GMPS: variants seen among roughly 807,000 people sequenced by gnomAD.
The protein encoded by GMPS is guanosine monophosphate synthase.
A neutral mutation model predicts 77.9 loss-of-function variants in GMPS; 15 were observed. The observed-to-expected ratio is 0.19, with a 90% CI of 0.13 to 0.30. The LOEUF is 0.30. Ranked by LOEUF, GMPS falls within the 10% of genes least tolerant of loss-of-function variation. GMPS has a pLI of 1.00. For missense variants in GMPS, 590 were observed against 838.8 expected (o/e 0.70, Z 3.66); for synonymous variants, 224 against 275.9 (o/e 0.81, Z 1.86).
At chr3:155,891,179 TTAAC>T (rs1314546453) in intron 1 of GMPS, among the ~76,000 whole-genome samples, 5 of 152,228 alleles carry the variant, frequency 3.3e-5, no homozygotes, top group Non-Finnish European at 1.5e-5. Flanking sequence ...GGACTGGTAA[TTAAC>T]TAAACCTTGG....
At chr3:155,877,529 A>G (rs1754080485) in intron 1 of GMPS, among the ~76,000 whole-genome samples, 1 of 152,062 alleles carries the variant, frequency 6.6e-6, no homozygotes, top group African/African-American at 2.4e-5. Context: ...CCCTTCAGCA[A>G]GGGTCCCCAT....
chr3:155,902,328 C>T (rs777156682), intron 3 of GMPS, among the ~76,000 whole-genome samples: 8 of 152,180 alleles, frequency 5.3e-5, no homozygotes, highest in Non-Finnish European at 1.2e-4. Flanking sequence ...GGATTTTATC[C>T]TGTAGACCAG....
At position 155,914,549 on chromosome 3, in the gene GMPS, C is replaced by T. The variant is rs187670203; in HGVS notation, c.1017C>T (p.Ile339=). The change falls in exon 8 of 16, where the codon ATC becomes ATT. Residue 339 remains isoleucine (I), a synonymous_variant. Transcript: ENST00000496455. The stretch of plus-strand genomic sequence containing the variant: ...CAAGTCCTGAAGAGAAAAGAAAAAT[C>T]ATTGGGGATACTTTTGTTAAGGTAC... ...MTTSPEEKRK[I]IGDTFVKIAN... The T allele has an allele frequency of 2.3e-4, 369 of 1,582,404 alleles. 1 individual carries two copies. In the African/African-American group the frequency reaches 4.6e-3, roughly 20 times the overall value.
chr3:155,938,065 G>C lies in GMPS; in HGVS notation c.*373G>C, dbSNP rs1323461755. On this transcript the variant is annotated 3_prime_UTR_variant, in exon 16 of 16. Coordinates refer to ENST00000496455, the MANE Select transcript of GMPS (RefSeq NM_003875.3). ...CCAGTTTCTAAGAACTGTTAGAAAC[G>C]CCCATTATTTACCAGTGTTACTTAC... The C allele has an allele frequency of 4.1e-6, 1 of 242,410 alleles. No individual in the cohort carries two copies. The highest frequency in any genetic ancestry group is 6.0e-5 in the East Asian group (1 of 16,556). 15.0% of individuals were successfully genotyped at this position (242,410 alleles called of 1,614,324 possible). A position where few individuals can be genotyped will look rare whatever the true frequency, so the allele number is the denominator to read the frequency against.
intron 12 of GMPS, 34 bp downstream of exon 12, chr3:155,925,400 CTTT>C (rs200488171): frequency 0.067 from 83,976 of 1,245,730 alleles, 1,987 homozygotes; most frequent in East Asian, 0.18. Context: ...CAGTGATATA[CTTT>C]TTTTTTTTTT....
chr3:155,902,070 C>T (rs879573043), intron 3 of GMPS, among the ~76,000 whole-genome samples: 3 of 152,032 alleles, frequency 2.0e-5, no homozygotes, highest in Admixed American at 2.0e-4. Context: ...GGTGGTAGAC[C>T]TGGAGTACTA....
At chr3:155,888,979 C>T (rs527290376) in intron 1 of GMPS, among the ~76,000 whole-genome samples, 20 of 152,138 alleles carry the variant, frequency 1.3e-4, no homozygotes, top group African/African-American at 3.9e-4. Context: ...CCTCCACTAC[C>T]GCCTCCCAAA....
intron 1 of GMPS, among the ~76,000 whole-genome samples, chr3:155,889,696 C>T (rs1250696899): frequency 2.0e-5 from 3 of 152,160 alleles, no homozygotes; most frequent in Admixed American, 1.3e-4. Flanking sequence ...ATTTCCATCT[C>T]CACTTTTCCA....
chr3:155,915,938 A>C, intron 8 of GMPS, 81 bp from the exon 9 acceptor site: 1 of 866,520 alleles, frequency 1.2e-6, no homozygotes, highest in Non-Finnish European at 1.8e-6. Flanking sequence ...AAGGACTCTA[A>C]GAGATTTAGC....
At chr3:155,881,620 G>A (rs918480263) in intron 1 of GMPS, among the ~76,000 whole-genome samples, 2 of 152,158 alleles carry the variant, frequency 1.3e-5, no homozygotes, top group Non-Finnish European at 1.5e-5. Context: ...AATGTAAGTG[G>A]CATACAAACA....
At chr3:155,921,220 TC>T (rs1487978484) in intron 10 of GMPS, among the ~76,000 whole-genome samples, 1 of 152,154 alleles carries the variant, frequency 6.6e-6, no homozygotes, top group Non-Finnish European at 1.5e-5. Flanking sequence ...GCCACTGCCC[TC>T]CAGCCTGGGT....
intron 12 of GMPS, among the ~76,000 whole-genome samples, chr3:155,926,054 C>G (rs1755446308): frequency 6.6e-6 from 1 of 152,174 alleles, no homozygotes; most frequent in South Asian, 2.1e-4. Flanking sequence ...CCCTGTCGCC[C>G]AGGCTGGAGT....
At chr3:155,916,226 A>G (rs1446270569) in intron 9 of GMPS, 34 bp downstream of exon 9, 1 of 1,383,994 alleles carries the variant, frequency 7.2e-7, no homozygotes, top group African/African-American at 1.4e-5. Context: ...CATAAAGTAG[A>G]TACATGGAAA....
chr3:155,880,224 T>A (rs1400025562), intron 1 of GMPS, among the ~76,000 whole-genome samples: 4 of 152,210 alleles, frequency 2.6e-5, no homozygotes, highest in African/African-American at 9.6e-5. Flanking sequence ...CTTATTTATG[T>A]CTTTGTTTCA....
At chr3:155,890,417 TA>T (rs1366534319) in intron 1 of GMPS, among the ~76,000 whole-genome samples, 1 of 152,208 alleles carries the variant, frequency 6.6e-6, no homozygotes, top group African/African-American at 2.4e-5. Context: ...TTGTGATCTT[TA>T]AAAATTTTTG....
rs1178526955 is a variant in GMPS, at chr3:155,897,960, G to A, written c.243G>A (p.Val81=). ...TCATCTCTGGAGGACCTAATTCTGTGTATGCTGAAGATGCTCCCTGGTTTG... is the reference window on the plus strand; with the variant it reads ...TCATCTCTGGAGGACCTAATTCTGTATATGCTGAAGATGCTCCCTGGTTTG... ...AIIISGGPNS[V]YAEDAPWFDP... The change falls in exon 3 of 16, where the codon GTG becomes GTA. Residue 81 remains valine (V), a synonymous_variant. Transcript: ENST00000496455. The A allele has an allele frequency of 6.2e-7, 1 of 1,603,080 alleles. No homozygotes were observed. The highest frequency in any genetic ancestry group is 8.5e-7 in the Non-Finnish European group (1 of 1,170,168).
Position 155,897,929 on chromosome 3 carries a change from C to T in GMPS, c.212C>T (p.Ala71Val). 6.9e-7 allele frequency: 1 copy of T among 1,441,656 alleles called. No individual in the cohort carries two copies. The highest frequency in any genetic ancestry group is 9.8e-7 in the Non-Finnish European group (1 of 1,022,760). 89.3% of individuals were successfully genotyped at this position (1,441,656 alleles called of 1,614,324 possible). The change falls in exon 3 of 16, where the codon GCT becomes GTT. Residue 71 changes from alanine to valine, a missense_variant and splice_region_variant. Physicochemically the swap from Ala to Val is moderately conservative, Grantham distance 64. Coordinates refer to ENST00000496455, the MANE Select transcript of GMPS (RefSeq NM_003875.3). ...ACTGATTGTTCCTTAAATCACAGTG[C>T]TATTATCATCTCTGGAGGACCTAAT... ...AFAIKEQGFR[A>V]IIISGGPNSV... is the part of the protein sequence containing the mutation.
chr3:155,887,810 A>C (rs1754371361), intron 1 of GMPS, among the ~76,000 whole-genome samples: 1 of 151,648 alleles, frequency 6.6e-6, no homozygotes, highest in Non-Finnish European at 1.5e-5. Context: ...GAAAAAGTGT[A>C]TGTAGATGGA....
chr3:155,919,179 T>G (rs201612692), intron 9 of GMPS, 54 bp from the exon 10 acceptor site: 821 of 743,166 alleles, frequency 1.1e-3, no homozygotes, highest in Non-Finnish European at 1.7e-3. Flanking sequence ...CGCTTTGTTT[T>G]CCATGTCATC....
Sources: gnomAD v4.1 joint callset for allele counts (sites outside exome capture counted in the v4.1 genomes callset) on GRCh38, gnomAD v4.1.1 for gene constraint, MANE v1.5 for transcripts, NCBI Gene and HGNC (gene_info 2026-07-23, HGNC 2026-07-21) for gene names.